The following KIAA1328 variants were observed in gnomAD, a reference collection of about 807,000 sequenced individuals.
KIAA1328 encodes the protein KIAA1328.
A neutral mutation model predicts 68.1 loss-of-function variants in KIAA1328; 52 were observed. The observed-to-expected ratio is 0.76, with a 90% CI of 0.61 to 0.96. The LOEUF (loss-of-function observed/expected upper bound fraction) is 0.96, where lower values mean the gene tolerates loss of function less well. KIAA1328 is among the 40% of genes least tolerant of loss of function. The pLI, the probability that KIAA1328 is intolerant of heterozygous loss-of-function variation, is 0.00. For missense variants in KIAA1328, 641 were observed against 677.6 expected, an observed-to-expected ratio of 0.95 and a Z score of 0.60; for synonymous variants, 232 against 239.4, an observed-to-expected ratio of 0.97 and a Z score of 0.28.
rs1260719529 is a variant in KIAA1328, at chr18:37,013,315, T to G, written c.577-53575T>G. Among the ~76,000 whole-genome samples the G allele has an allele frequency of 2.0e-5, 3 of 152,298 alleles. 1 individual carries two copies. In the East Asian group the frequency reaches 5.8e-4, roughly 29 times the overall value. ...ATTAAATAATCTATAGACTTCCTCA[T>G]ATATAAAATGGTAATCAACATAGAA... On this transcript the variant is annotated intron_variant, in intron 6 of 9. Transcript: ENST00000280020.
chr18:36,838,686 G>A (rs943695615), intron 3 of KIAA1328, among the ~76,000 whole-genome samples: 2 of 151,786 alleles, frequency 1.3e-5, no homozygotes, highest in Non-Finnish European at 1.5e-5. Context: ...CTGCTTTTAA[G>A]ATTTTCTTCT....
intron 7 of KIAA1328, among the ~76,000 whole-genome samples, chr18:37,130,767 GA>G (rs1390704583): frequency 6.6e-6 from 1 of 152,154 alleles, no homozygotes; most frequent in Admixed American, 6.5e-5. Context: ...CCATGGATAA[GA>G]AAAAAAGAGT....
At chr18:37,021,217 CTT>C (rs981708833) in intron 6 of KIAA1328, among the ~76,000 whole-genome samples, 1 of 152,106 alleles carries the variant, frequency 6.6e-6, no homozygotes, top group Non-Finnish European at 1.5e-5. Flanking sequence ...TTTATGATAA[CTT>C]TTTATTTTTA....
chr18:37,199,725 A>G (rs1468346623), intron 9 of KIAA1328, among the ~76,000 whole-genome samples: 1 of 152,198 alleles, frequency 6.6e-6, no homozygotes, highest in African/African-American at 2.4e-5. Flanking sequence ...GGGTAAAAGC[A>G]TTCCTTTTTC....
At chr18:37,013,748 A>G (rs1025518222) in intron 6 of KIAA1328, among the ~76,000 whole-genome samples, 1 of 152,170 alleles carries the variant, frequency 6.6e-6, no homozygotes, top group African/African-American at 2.4e-5. Context: ...TTCACTATTG[A>G]TAGGCATCTA....
intron 7 of KIAA1328, among the ~76,000 whole-genome samples, chr18:37,119,798 A>G (rs2058220591): frequency 2.0e-5 from 3 of 152,150 alleles, no homozygotes. Context: ...TATACATGGT[A>G]TGTATTTCCT....
rs542468650 is a variant in KIAA1328 at position 37,114,519 on chromosome 18, G to A, written c.1233-45681G>A. ...GGACACATTTAAAGCAGTGTGTAGAGGGAAATTTATAGCACTAAATGCCCA... is the reference window on the plus strand; with the variant it reads ...GGACACATTTAAAGCAGTGTGTAGAAGGAAATTTATAGCACTAAATGCCCA... On this transcript the variant is annotated intron_variant, in intron 7 of 9. Coordinates refer to ENST00000280020, the MANE Select transcript of KIAA1328 (RefSeq NM_020776.3). Among the ~76,000 whole-genome samples the A allele has an allele frequency of 8.5e-5, 13 of 152,236 alleles. No individual in the cohort carries two copies. In the South Asian group the frequency reaches 1.7e-3, roughly 19 times the overall value.
intron 7 of KIAA1328, among the ~76,000 whole-genome samples, chr18:37,151,002 G>A (rs2059017064): frequency 6.6e-6 from 1 of 152,158 alleles, no homozygotes; most frequent in Non-Finnish European, 1.5e-5. Context: ...AAGTGAAACT[G>A]TCTTTATTCT....
intron 5 of KIAA1328, among the ~76,000 whole-genome samples, chr18:36,900,146 T>C (rs1406533824): frequency 6.6e-6 from 1 of 151,960 alleles, no homozygotes; most frequent in African/African-American, 2.4e-5. Flanking sequence ...TATATGTTAG[T>C]AAAAGTTTTT....
intron 9 of KIAA1328, among the ~76,000 whole-genome samples, chr18:37,217,593 C>A (rs1252222465): frequency 2.0e-5 from 3 of 152,066 alleles, no homozygotes; most frequent in Non-Finnish European, 2.9e-5. Flanking sequence ...CTCTGGCTGC[C>A]CTTAACATTT....
At chr18:37,066,485 G>A (rs1034729289) in intron 6 of KIAA1328, among the ~76,000 whole-genome samples, 3 of 149,618 alleles carry the variant, frequency 2.0e-5, no homozygotes, top group African/African-American at 2.6e-5. Flanking sequence ...CTGTGTAATG[G>A]CCAAAGAGTA....
At chr18:37,001,017 C>A (rs1294763135) in intron 6 of KIAA1328, among the ~76,000 whole-genome samples, 2 of 151,680 alleles carry the variant, frequency 1.3e-5, no homozygotes, top group African/African-American at 4.8e-5. Context: ...CCAAAATTAA[C>A]AGAAAAGATA....
chr18:37,129,313 A>C (rs1007091471), intron 7 of KIAA1328, among the ~76,000 whole-genome samples: 2 of 152,168 alleles, frequency 1.3e-5, no homozygotes, highest in African/African-American at 4.8e-5. Flanking sequence ...GGAAAAAAAA[A>C]CCACGTGAAA....
intron 7 of KIAA1328, among the ~76,000 whole-genome samples, chr18:37,123,123 A>C (rs2058311929): frequency 6.6e-6 from 1 of 152,184 alleles, no homozygotes; most frequent in African/African-American, 2.4e-5. Flanking sequence ...AGAAAACTTC[A>C]CAGGATGGCT....
chr18:37,102,993 C>T (rs925049441), intron 7 of KIAA1328, among the ~76,000 whole-genome samples: 12 of 152,004 alleles, frequency 7.9e-5, no homozygotes, highest in African/African-American at 2.2e-4. Context: ...AGTTTCAAGA[C>T]CTCAACGAGG....
chr18:36,928,565 G>T (rs188468368), intron 5 of KIAA1328, among the ~76,000 whole-genome samples: 1 of 152,168 alleles, frequency 6.6e-6, no homozygotes, highest in East Asian at 1.9e-4. Context: ...GTTGCCATTG[G>T]GGGGGATACA....
At chr18:37,117,656 A>T (rs1219070697) in intron 7 of KIAA1328, among the ~76,000 whole-genome samples, 2 of 152,136 alleles carry the variant, frequency 1.3e-5, no homozygotes, top group Non-Finnish European at 2.9e-5. Context: ...AAAAAAAATT[A>T]AAAACATCAT....
chr18:37,177,713 TG>T (rs1381319558), intron 9 of KIAA1328, among the ~76,000 whole-genome samples: 1 of 152,216 alleles, frequency 6.6e-6, no homozygotes, highest in East Asian at 1.9e-4. Flanking sequence ...GAGTTACTGG[TG>T]GGGAGAGGTG....
At chr18:37,088,471 A>G (rs2057170409) in intron 7 of KIAA1328, among the ~76,000 whole-genome samples, 2 of 152,012 alleles carry the variant, frequency 1.3e-5, no homozygotes, top group African/African-American at 4.8e-5. Context: ...TATGTTTATT[A>G]ATGCTTTGTG....
Sources: allele counts gnomAD v4.1 joint callset (sites outside exome capture counted in the v4.1 genomes callset), GRCh38; gene constraint gnomAD v4.1.1; transcripts MANE v1.5; gene names NCBI Gene and HGNC (gene_info 2026-07-23, HGNC 2026-07-21).